DIAPH2: variants seen among roughly 807,000 people sequenced by gnomAD.
DIAPH2 encodes protein diaphanous homolog 2.
In DIAPH2, 35 loss-of-function variants were observed where a neutral mutation model predicts 92.7. The ratio of observed to expected loss-of-function variants is 0.38; its 90% CI spans 0.29 to 0.50. DIAPH2 has a LOEUF of 0.50. Among genes scored for constraint, DIAPH2 ranks in the 20% least tolerant of loss-of-function variants. DIAPH2 has a pLI of 0.94. For missense variants in DIAPH2, 701 were observed against 819.5 expected (o/e 0.86, Z 1.77); for synonymous variants, 301 against 280.4 (o/e 1.07, Z -0.73).
chrX:97,075,314 A>G lies in DIAPH2; in HGVS notation c.2247+53A>G, dbSNP rs1437542809. 4 of 774,935 alleles carry G rather than the reference A, an allele frequency of 5.2e-6. No individual in the cohort carries two copies. In the African/African-American group the frequency reaches 8.6e-5, roughly 17 times the overall value. 63.9% of individuals were successfully genotyped at this position (774,935 alleles called of 1,213,427 possible). ...TCATTTTCACAGATTTTTTTGGACT[A>G]TTCTCTTCTCAATGGAGTTGTAAGA... On this transcript the variant is annotated intron_variant, in intron 19 of 26. Transcript: ENST00000324765.
intron 3 of DIAPH2, among the ~76,000 whole-genome samples, chrX:96,741,744 A>G (rs1280360325): frequency 9.0e-6 from 1 of 111,684 alleles, no homozygotes; most frequent in Non-Finnish European, 1.9e-5. Context: ...TTGGCCTCCC[A>G]AAGTGCTGGG....
At chrX:97,417,182 T>C (rs1169770263) in intron 25 of DIAPH2, among the ~76,000 whole-genome samples, 6 of 111,968 alleles carry the variant, frequency 5.4e-5, no homozygotes, top group African/African-American at 2.0e-4. Context: ...AGGTGAGACT[T>C]CTCAATAAAC....
At chrX:96,717,413 T>C (rs1159123589) in intron 1 of DIAPH2, among the ~76,000 whole-genome samples, 1 of 110,688 alleles carries the variant, frequency 9.0e-6, no homozygotes, top group East Asian at 2.8e-4. Flanking sequence ...CCTTGTAGTT[T>C]TCTGTTTCTG....
intron 26 of DIAPH2, among the ~76,000 whole-genome samples, chrX:97,584,146 G>C (rs776330224): frequency 7.2e-5 from 8 of 111,827 alleles, no homozygotes; most frequent in South Asian, 3.7e-4. Context: ...GCGTCGCTCA[G>C]GCTGGGAGCT....
chrX:97,431,481 G>A (rs2070126365), intron 26 of DIAPH2: 3 of 112,122 alleles, frequency 2.7e-5, no homozygotes, highest in African/African-American at 9.7e-5. Context: ...TCATTCCATG[G>A]GGTTTCTGTG....
At chrX:97,323,210 A>G (rs2068915855) in intron 23 of DIAPH2, among the ~76,000 whole-genome samples, 1 of 105,581 alleles carries the variant, frequency 9.5e-6, no homozygotes, top group Non-Finnish European at 2.0e-5. Context: ...CCAGCCCCTG[A>G]GCTTACTTTT....
intron 24 of DIAPH2, among the ~76,000 whole-genome samples, chrX:97,374,913 C>A (rs1215689442): frequency 2.7e-5 from 3 of 111,861 alleles, no homozygotes; most frequent in Non-Finnish European, 5.6e-5. Context: ...AAAAACTCAT[C>A]TTGACTCACA....
intron 11 of DIAPH2, 50 bp from the exon 12 acceptor site, chrX:96,939,216 T>C (rs367789730): frequency 3.8e-5 from 21 of 553,798 alleles, no homozygotes; most frequent in Non-Finnish European, 3.6e-5. Context: ...TCCTTTGTTA[T>C]GAATGAGACT....
chrX:96,853,462 C>T (rs1203975763), intron 4 of DIAPH2, among the ~76,000 whole-genome samples: 1 of 111,605 alleles, frequency 9.0e-6, no homozygotes, highest in Admixed American at 9.5e-5. Flanking sequence ...AGTTTTCAAA[C>T]TTAGCAGGAC....
chrX:96,916,667 T>G, intron 8 of DIAPH2, 93 bp downstream of exon 8: 1 of 911,875 alleles, frequency 1.1e-6, no homozygotes, highest in Non-Finnish European at 1.5e-6. Context: ...TTGGATAACT[T>G]TCATGAAAAC....
intron 1 of DIAPH2, among the ~76,000 whole-genome samples, chrX:96,700,648 AAAAAT>A (rs773385476): frequency 2.1e-4 from 24 of 112,350 alleles, no homozygotes; most frequent in Admixed American, 2.1e-3. Context: ...TTTTTACAGG[AAAAAT>A]AAAAATTAAC....
chrX:96,744,723 C>T (rs1380580134), intron 3 of DIAPH2, among the ~76,000 whole-genome samples: 1 of 112,228 alleles, frequency 8.9e-6, no homozygotes, highest in East Asian at 2.8e-4. Context: ...GCACTTAAGT[C>T]ATTCTGTTTC....
At chrX:96,815,137 G>A (rs759234151) in intron 4 of DIAPH2, among the ~76,000 whole-genome samples, 32 of 112,254 alleles carry the variant, frequency 2.9e-4, no homozygotes, top group African/African-American at 8.1e-4. Context: ...CCTGCCCCCC[G>A]AGGTGGGGGT....
At chrX:97,158,752 G>A (rs1187504537) in intron 22 of DIAPH2, among the ~76,000 whole-genome samples, 1 of 111,846 alleles carries the variant, frequency 8.9e-6, no homozygotes, top group Non-Finnish European at 1.9e-5. Context: ...TTTGCAAATC[G>A]GAATTTGCTG....
chrX:97,227,964 T>C (rs750360668), intron 22 of DIAPH2, among the ~76,000 whole-genome samples: 1 of 111,453 alleles, frequency 9.0e-6, no homozygotes, highest in South Asian at 3.8e-4. Flanking sequence ...GCAGTGGCAC[T>C]ATATGAGCTC....
intron 4 of DIAPH2, among the ~76,000 whole-genome samples, chrX:96,793,933 C>A (rs2064519825): frequency 1.8e-5 from 2 of 111,966 alleles, no homozygotes; most frequent in Non-Finnish European, 3.8e-5. Flanking sequence ...GAAAGACAGA[C>A]AATGTGTTGT....
At chrX:97,228,473 G>T (rs937538898) in intron 22 of DIAPH2, among the ~76,000 whole-genome samples, 1 of 111,533 alleles carries the variant, frequency 9.0e-6, no homozygotes, top group African/African-American at 3.3e-5. Flanking sequence ...GGCGAAAAAA[G>T]TGTTTTGCAA....
rs770273545 is a variant in DIAPH2, at chrX:97,246,204, G to A, written c.2720-1511G>A. 1.2e-4 allele frequency among the ~76,000 whole-genome samples: 13 copies of A among 109,826 alleles called. No individual in the cohort carries two copies. The South Asian group carries it at 3.5e-3, about 30-fold the overall frequency. ...GCTGGGATTACAGGTGTGAGCCACC[G>A]CGCTCGGCCTGTCTTCACTTTTTCA... is the stretch of plus-strand genomic sequence containing the variant. On this transcript the variant is annotated intron_variant, in intron 22 of 26. Coordinates refer to ENST00000324765, the MANE Select transcript of DIAPH2 (RefSeq NM_006729.5).
At chrX:97,191,270 G>A (rs1267534387) in intron 22 of DIAPH2, among the ~76,000 whole-genome samples, 2 of 108,067 alleles carry the variant, frequency 1.9e-5, no homozygotes, top group African/African-American at 3.4e-5. Context: ...AGAGGTTGCC[G>A]TGAGCCAAGA....
Sources: allele counts gnomAD v4.1 joint callset (sites outside exome capture counted in the v4.1 genomes callset), GRCh38; gene constraint gnomAD v4.1.1; transcripts MANE v1.5; gene names NCBI Gene and HGNC (gene_info 2026-07-23, HGNC 2026-07-21).